XPR1: variants seen among roughly 807,000 people sequenced by gnomAD.
The protein encoded by XPR1 is xenotropic and polytropic retrovirus receptor 1.
Under a neutral mutation model 87.5 loss-of-function variants are expected in XPR1, and 28 were observed. The ratio of observed to expected loss-of-function variants is 0.32; its 90% CI spans 0.24 to 0.44. The LOEUF (loss-of-function observed/expected upper bound fraction) is 0.44. XPR1 is among the 20% of genes least tolerant of loss of function. The probability of loss-of-function intolerance (pLI) is 1.00; values close to 1 mark genes in which losing one functional copy is unlikely to be tolerated. For synonymous variants in XPR1, 300 were observed against 306.1 expected, an observed-to-expected ratio of 0.98 and a Z score of 0.21; for missense variants, 559 against 862.3, an observed-to-expected ratio of 0.65 and a Z score of 4.41.
chr1:180,709,021 C>T (rs576222623), intron 2 of XPR1, among the ~76,000 whole-genome samples: 1 of 151,656 alleles, frequency 6.6e-6, no homozygotes, highest in Non-Finnish European at 1.5e-5. Flanking sequence ...AAGCAGTTCT[C>T]CTGCCTCAGC....
At position 180,884,533 on chromosome 1, in the gene XPR1, G is replaced by A. The variant is rs1652945536; in HGVS notation, c.*467G>A. 1 of 152,756 alleles carries A rather than the reference G, an allele frequency of 6.5e-6. No homozygotes were observed. The highest frequency in any genetic ancestry group is 1.5e-5 in the Non-Finnish European group (1 of 68,182). The allele number at this position is 152,756 out of a possible 1,614,324, so 9.5% of individuals were successfully genotyped here. A position where few individuals can be genotyped will look rare whatever the true frequency, so the allele number is the denominator to read the frequency against. On this transcript the variant is annotated 3_prime_UTR_variant, in exon 15 of 15. Coordinates refer to ENST00000367590, the MANE Select transcript of XPR1 (RefSeq NM_004736.4). Reference sequence around the variant, plus strand: ...AATTTTTTTCTTTCCTTCATACCCAGCGCAAAGGCACTGGCCGCACTTGCA... The same window carrying A: ...AATTTTTTTCTTTCCTTCATACCCAACGCAAAGGCACTGGCCGCACTTGCA...
intron 1 of XPR1, among the ~76,000 whole-genome samples, chr1:180,640,811 G>C (rs767023579): frequency 1.3e-4 from 20 of 152,194 alleles, no homozygotes; most frequent in Non-Finnish European, 2.5e-4. Context: ...AAAAAGAGGA[G>C]GACAAAAGTG....
intron 11 of XPR1, among the ~76,000 whole-genome samples, chr1:180,862,832 G>A (rs190712544): frequency 1.3e-5 from 2 of 152,080 alleles, no homozygotes; most frequent in African/African-American, 4.8e-5. Context: ...AGATTTGTAC[G>A]CCTTTTTTTC....
At chr1:180,703,620 A>G (rs1209540711) in intron 2 of XPR1, among the ~76,000 whole-genome samples, 1 of 152,282 alleles carries the variant, frequency 6.6e-6, no homozygotes, top group Admixed American at 6.5e-5. Context: ...GACTACCCTC[A>G]TGCCCCCAGA....
chr1:180,780,999 T>A (rs1648915005), intron 2 of XPR1, among the ~76,000 whole-genome samples: 1 of 151,984 alleles, frequency 6.6e-6, no homozygotes, highest in Admixed American at 6.6e-5. Context: ...TAAGAAACCA[T>A]TGCCCCATCT....
intron 9 of XPR1, among the ~76,000 whole-genome samples, chr1:180,825,668 T>G (rs1418103548): frequency 6.6e-6 from 1 of 152,228 alleles, no homozygotes; most frequent in Non-Finnish European, 1.5e-5. Flanking sequence ...TAAGTTGATG[T>G]GAGTATCAAC....
intron 2 of XPR1, among the ~76,000 whole-genome samples, chr1:180,718,006 A>G (rs1038295455): frequency 6.6e-6 from 1 of 152,260 alleles, no homozygotes; most frequent in Non-Finnish European, 1.5e-5. Context: ...TAGCATGATT[A>G]CAGTTAATAT....
intron 7 of XPR1, among the ~76,000 whole-genome samples, chr1:180,822,492 C>T (rs1650673495): frequency 6.6e-6 from 1 of 152,156 alleles, no homozygotes; most frequent in Non-Finnish European, 1.5e-5. Flanking sequence ...CCTTATCTGA[C>T]TTTATGCAGA....
In XPR1 at chr1:180,801,135, G is replaced by T. The variant is rs536587189; in HGVS notation, c.224-2253G>T. Among the ~76,000 whole-genome samples, 46 of 152,320 alleles carry T rather than the reference G, an allele frequency of 3.0e-4. 2 individuals carry two copies. The South Asian group carries it at 9.1e-3, about 30-fold the overall frequency. ...TTTTGATAGTTAAGTGCTGCCATCT[G>T]GCCTTTCTGTTCCAAGGATCATTGA... On this transcript the variant is annotated intron_variant, in intron 3 of 14. Transcript: ENST00000367590.
At chr1:180,680,199 AT>A (rs978094329) in intron 1 of XPR1, among the ~76,000 whole-genome samples, 79 of 152,142 alleles carry the variant, frequency 5.2e-4, no homozygotes, top group African/African-American at 1.8e-3. Context: ...TTAGGCTGTT[AT>A]CAAAACGACA....
intron 5 of XPR1, 55 bp downstream of exon 5, chr1:180,806,266 G>T: frequency 1.3e-6 from 2 of 1,584,500 alleles, no homozygotes; most frequent in Non-Finnish European, 1.7e-6. Flanking sequence ...TTTATATTTA[G>T]GGAAGCAATT....
intron 11 of XPR1, among the ~76,000 whole-genome samples, chr1:180,858,998 T>C (rs1378081838): frequency 6.6e-6 from 1 of 152,300 alleles, no homozygotes; most frequent in East Asian, 1.9e-4. Flanking sequence ...TAATTCAGTT[T>C]ACCTTTATAG....
At chr1:180,697,420 T>G (rs1005868245) in intron 2 of XPR1, among the ~76,000 whole-genome samples, 6 of 152,038 alleles carry the variant, frequency 3.9e-5, no homozygotes, top group African/African-American at 1.4e-4. Flanking sequence ...TTTTGCTGAT[T>G]GTTTGTATAT....
chr1:180,640,548 C>G (rs914726353), intron 1 of XPR1, among the ~76,000 whole-genome samples: 1 of 152,252 alleles, frequency 6.6e-6, no homozygotes, highest in African/African-American at 2.4e-5. Context: ...TAGGCCTGGT[C>G]TGACCTGTTC....
chr1:180,819,092 A>C (rs755183658), intron 7 of XPR1, among the ~76,000 whole-genome samples: 2 of 152,036 alleles, frequency 1.3e-5, no homozygotes, highest in Non-Finnish European at 2.9e-5. Flanking sequence ...CAGGAATACA[A>C]GTATGGAGTA....
At chr1:180,754,301 T>C (rs1368190674) in intron 2 of XPR1, among the ~76,000 whole-genome samples, 1 of 152,156 alleles carries the variant, frequency 6.6e-6, no homozygotes, top group Non-Finnish European at 1.5e-5. Flanking sequence ...GAGAACTCAT[T>C]ATACTTTCCC....
At chr1:180,663,342 C>T (rs1439564859) in intron 1 of XPR1, among the ~76,000 whole-genome samples, 1 of 152,214 alleles carries the variant, frequency 6.6e-6, no homozygotes, top group Non-Finnish European at 1.5e-5. Context: ...CTGTTATCTG[C>T]ATTAGGGGGT....
intron 7 of XPR1, among the ~76,000 whole-genome samples, chr1:180,814,499 C>T (rs959998300): frequency 6.6e-6 from 1 of 152,162 alleles, no homozygotes; most frequent in Non-Finnish European, 1.5e-5. Context: ...GCTTTAAGGA[C>T]ATCATTTAAC....
At chr1:180,704,023 ATTG>A (rs1173431180) in intron 2 of XPR1, among the ~76,000 whole-genome samples, 9 of 150,950 alleles carry the variant, frequency 6.0e-5, no homozygotes, top group Admixed American at 1.3e-4. Flanking sequence ...CAATTTTATT[ATTG>A]TTGTTGTTAT....
Sources: gnomAD v4.1 joint callset for allele counts (sites outside exome capture counted in the v4.1 genomes callset) on GRCh38, gnomAD v4.1.1 for gene constraint, MANE v1.5 for transcripts, NCBI Gene and HGNC (gene_info 2026-07-23, HGNC 2026-07-21) for gene names.